The following MTA3 variants were observed in gnomAD, a reference collection of about 807,000 sequenced individuals.
MTA3 encodes metastasis associated 1 family member 3, also known as metastasis-associated protein MTA3.
In MTA3, 34 loss-of-function variants were observed where a neutral mutation model predicts 83.5. The observed-to-expected ratio is 0.41, with a 90% CI of 0.31 to 0.54. The LOEUF (loss-of-function observed/expected upper bound fraction) is 0.54. Among genes scored for constraint, MTA3 ranks in the 20% least tolerant of loss-of-function variants. The pLI is 0.33. For synonymous variants in MTA3, 303 were observed against 252.7 expected (o/e 1.20, Z -1.89); for missense variants, 761 against 726.4 (o/e 1.05, Z -0.55).
intron 9 of MTA3, among the ~76,000 whole-genome samples, chr2:42,682,904 C>G (rs1255705683): frequency 5.9e-5 from 9 of 152,062 alleles, no homozygotes; most frequent in South Asian, 2.1e-4. Context: ...AACCCCATCT[C>G]TACTGAAAAT....
chr2:42,631,987 G>A (rs1179794762), intron 4 of MTA3, among the ~76,000 whole-genome samples: 3 of 151,818 alleles, frequency 2.0e-5, no homozygotes, highest in Non-Finnish European at 4.4e-5. Flanking sequence ...ACCAGGCCTG[G>A]CCTCTTTTAG....
At chr2:42,604,084 C>T (rs1463746558) in intron 3 of MTA3, among the ~76,000 whole-genome samples, 4 of 151,624 alleles carry the variant, frequency 2.6e-5, no homozygotes, top group African/African-American at 9.7e-5. Context: ...TCTTGTCGCC[C>T]AGGCTGGAGT....
intron 8 of MTA3, among the ~76,000 whole-genome samples, chr2:42,671,152 G>C (rs1690757507): frequency 6.6e-6 from 1 of 152,078 alleles, no homozygotes; most frequent in Admixed American, 6.5e-5. Flanking sequence ...ATGTCCTTCA[G>C]TGTGGGTTAT....
At chr2:42,746,989 G>T (rs555510983) in intron 16 of MTA3, among the ~76,000 whole-genome samples, 1 of 151,024 alleles carries the variant, frequency 6.6e-6, no homozygotes, top group South Asian at 2.1e-4. Context: ...AGTCTTGTCT[G>T]TTCAGGTTCT....
intron 6 of MTA3, among the ~76,000 whole-genome samples, chr2:42,652,719 A>AT (rs1167118780): frequency 2.0e-5 from 3 of 152,044 alleles, no homozygotes; most frequent in Non-Finnish European, 4.4e-5. Context: ...AAAATCTCCA[A>AT]TTTTATTTCC....
chr2:42,644,325 G>A lies in MTA3; in HGVS notation c.499+81G>A, dbSNP rs547878775. On this transcript the variant is annotated intron_variant, in intron 6 of 16. Coordinates refer to ENST00000405094, the MANE Select transcript of MTA3 (RefSeq NM_001330442.2). ...ATATACATGTCCTCATGTAGAAGAG[G>A]CAATGTTCAGGGCAAAGTCTAAAAG... 81 of 860,810 alleles carry A rather than the reference G, an allele frequency of 9.4e-5. 1 individual carries two copies. In the South Asian group the frequency reaches 1.3e-3, roughly 13 times the overall value. The allele number at this position is 860,810 out of a possible 1,614,324, so 53.3% of individuals were successfully genotyped here.
At chr2:42,650,031 A>G (rs569385400) in intron 6 of MTA3, among the ~76,000 whole-genome samples, 1 of 152,158 alleles carries the variant, frequency 6.6e-6, no homozygotes, top group East Asian at 1.9e-4. Context: ...CTATTTTTTC[A>G]TAAACTCTAT....
chr2:42,605,823 G>A (rs1206410776), intron 3 of MTA3, among the ~76,000 whole-genome samples: 3 of 133,370 alleles, frequency 2.2e-5, no homozygotes, highest in Admixed American at 7.1e-5. Flanking sequence ...CAGACGGGGC[G>A]GCTGGCCGGG....
intron 3 of MTA3, among the ~76,000 whole-genome samples, chr2:42,587,589 T>C (rs988366933): frequency 6.6e-6 from 1 of 152,152 alleles, no homozygotes; most frequent in Non-Finnish European, 1.5e-5. Flanking sequence ...CCTTCTTTTA[T>C]TTATTCATTT....
chr2:42,755,407 C>T lies in MTA3; in HGVS notation c.*2008C>T. The T allele has an allele frequency of 1.0e-6, 1 of 985,492 alleles. No individual in the cohort carries two copies. The highest frequency in any genetic ancestry group is 1.2e-6 in the Non-Finnish European group (1 of 829,972). The allele number at this position is 985,492 out of a possible 1,614,324, so 61.0% of individuals were successfully genotyped here. ...TTTGGAGACAGGAGTCAGGCCAGGT[C>T]TGAAGCAGGAGAAGGGAGGCCCCTC... On this transcript the variant is annotated 3_prime_UTR_variant, in exon 17 of 17. Transcript: ENST00000405094.
chr2:42,729,097 T>TTTTTTTTG (rs1668051360), intron 16 of MTA3, among the ~76,000 whole-genome samples: 3 of 121,466 alleles, frequency 2.5e-5, no homozygotes, highest in East Asian at 2.2e-4. Context: ...TTTTTTTTTT[T>TTTTTTTTG]TTTTTTTTTT....
intron 6 of MTA3, among the ~76,000 whole-genome samples, chr2:42,655,082 AG>A (rs1689051329): frequency 6.6e-6 from 1 of 152,178 alleles, no homozygotes; most frequent in Non-Finnish European, 1.5e-5. Context: ...GAACTCTTAA[AG>A]GAGGCTGCTA....
chr2:42,499,687 G>A lies in MTA3; in HGVS notation c.-141+4433G>A, dbSNP rs561504528. 3.3e-5 allele frequency among the ~76,000 whole-genome samples: 5 copies of A among 151,582 alleles called. No individual in the cohort carries two copies. The East Asian group carries it at 8.0e-4, about 24-fold the overall frequency. On this transcript the variant is annotated intron_variant, in intron 2 of 17. Coordinates refer to the MTA3 transcript ENST00000405592. ...CCTGTAATCCCAGCTACTTGGGGAG[G>A]CTGAGCAGGAGAATCGCTTGAACCT...
chr2:42,511,049 A>G (rs748034949), intron 2 of MTA3, among the ~76,000 whole-genome samples: 2 of 152,038 alleles, frequency 1.3e-5, no homozygotes, highest in African/African-American at 2.4e-5. Flanking sequence ...CTAACAATCT[A>G]TTTCCCAACC....
At chr2:42,660,506 T>C (rs1689591045) in intron 8 of MTA3, among the ~76,000 whole-genome samples, 2 of 152,230 alleles carry the variant, frequency 1.3e-5, no homozygotes, top group South Asian at 4.1e-4. Context: ...TTACCACTAA[T>C]GGCTGCCGTG....
chr2:42,624,088 A>G (rs6544576), intron 4 of MTA3, among the ~76,000 whole-genome samples: 119,459 of 152,084 alleles, frequency 0.79, 47,901 homozygotes, highest in African/African-American at 0.95. Context: ...AGATGGTGAT[A>G]TCTAACGAGA....
chr2:42,607,568 T>C (rs1438234952), intron 3 of MTA3, among the ~76,000 whole-genome samples: 3 of 152,160 alleles, frequency 2.0e-5, no homozygotes, highest in Admixed American at 2.0e-4. Flanking sequence ...GGTCTTGAAC[T>C]CCTGGGCTCA....
At chr2:42,530,067 C>T (rs1333423977) in intron 2 of MTA3, among the ~76,000 whole-genome samples, 1 of 151,810 alleles carries the variant, frequency 6.6e-6, no homozygotes, top group African/African-American at 2.4e-5. Context: ...CGCCTGTAAT[C>T]CCAGCTACTC....
chr2:42,703,132 A>G (rs1665740922), intron 11 of MTA3: 1 of 151,486 alleles, frequency 6.6e-6, no homozygotes, highest in Non-Finnish European at 1.5e-5. Context: ...GGTAATTTTT[A>G]TTTTTGTTTT....
Sources: allele counts gnomAD v4.1 joint callset (sites outside exome capture counted in the v4.1 genomes callset), GRCh38; gene constraint gnomAD v4.1.1; transcripts MANE v1.5; gene names NCBI Gene and HGNC (gene_info 2026-07-23, HGNC 2026-07-21).